The following OFD1 variants were observed in gnomAD, a reference collection of about 807,000 sequenced individuals.
OFD1 encodes the protein centriole and centriolar satellite protein OFD1.
OFD1 carries 12 observed loss-of-function variants against 81.4 expected under a neutral mutation model. The observed-to-expected ratio is 0.15, with a 90% confidence interval of 0.09 to 0.24. The LOEUF is 0.24. Among genes scored for constraint, OFD1 ranks in the 10% least tolerant of loss-of-function variants. OFD1 has a pLI of 1.00. For missense variants in OFD1, 685 were observed against 733.9 expected, an observed-to-expected ratio of 0.93 and a Z score of 0.77; for synonymous variants, 256 against 263.7, an observed-to-expected ratio of 0.97 and a Z score of 0.28.
At chrX:13,746,560 T>C (rs747428891) in intron 7 of OFD1, 105 bp downstream of exon 7, 1 of 995,541 alleles carries the variant, frequency 1.0e-6, no homozygotes, top group Non-Finnish European at 1.4e-6. Flanking sequence ...TAATAACGAA[T>C]GGGATACTGT....
Position 13,768,748 on chromosome X carries a change from C to A in OFD1, c.2959C>A (p.Leu987Ile), listed in dbSNP as rs148543618. The change falls in exon 22 of 23, where the codon CTA becomes ATA. Residue 987 changes from leucine to isoleucine, a missense_variant. Around this residue, in one of 3 missense-constraint regions of OFD1, gnomAD observed 259 missense variants for 254.4 expected, o/e 1.02. Transcript: ENST00000340096. ...AAAAAAGATGGTCCAAGAAGGCTCC[C>A]TAGTGGACACGCTGCAATCTAGTGA... The part of the protein sequence containing the change: ...SSKKMVQEGS[L>I]VDTLQSSDKV... 30 of 1,208,433 alleles carry A rather than the reference C, an allele frequency of 2.5e-5. No homozygotes were observed. The African/African-American group carries it at 4.9e-4, about 20-fold the overall frequency.
chrX:13,755,999 G>T (rs2047695926), intron 12 of OFD1, among the ~76,000 whole-genome samples: 1 of 86,984 alleles, frequency 1.1e-5, no homozygotes, highest in Admixed American at 1.5e-4. Flanking sequence ...CGCCCAGGCT[G>T]GAGTGCAGTG....
intron 1 of OFD1, 47 bp from the exon 2 acceptor site, chrX:13,735,201 A>G (rs774852774): frequency 2.5e-6 from 3 of 1,195,255 alleles, no homozygotes; most frequent in Admixed American, 4.3e-5. Context: ...TCAGACGTTC[A>G]CGTTCCCTCT....
chrX:13,739,839 G>C (rs948590498), intron 5 of OFD1: 35 of 751,384 alleles, frequency 4.7e-5, no homozygotes, highest in Non-Finnish European at 5.3e-5. Context: ...ACTACTGTGG[G>C]TTTCAGGCCA....
At position 13,746,943 on chromosome X, in the gene OFD1, A is replaced by G; in HGVS notation, c.818A>G (p.Lys273Arg). ...AAGAGTACCCTTGAAAGAATTCACA[A>G]GCACCAAGAGGTGGTATTTACAAAT... Reference protein sequence around the residue: ...REKSTLERIHKHQEIETKEIY... With the variant: ...REKSTLERIHRHQEIETKEIY... The change falls in exon 8 of 23, where the codon AAG becomes AGG. Residue 273 changes from lysine (K) to arginine (R), a missense_variant. Physicochemically the swap from Lys to Arg is conservative, Grantham distance 26. Coordinates refer to ENST00000340096, the MANE Select transcript of OFD1 (RefSeq NM_003611.3). The G allele has an allele frequency of 8.3e-7, 1 of 1,210,253 alleles. No homozygotes were observed. Among genetic ancestry groups the G allele is most frequent in the Non-Finnish European group, 1.1e-6 (1 of 894,054 alleles).
At chrX:13,735,483 G>C (rs1193995360) in intron 2 of OFD1, 137 bp downstream of exon 2, 1 of 526,816 alleles carries the variant, frequency 1.9e-6, no homozygotes, top group Non-Finnish European at 3.4e-6. Context: ...TTATATTCCC[G>C]AATAACTCTG....
At chrX:13,717,038 A>T in the OFD1 span, among the ~76,000 whole-genome samples, 8 of 23,414 alleles carry the variant, frequency 3.4e-4, no homozygotes, top group Admixed American at 1.2e-3. Context: ...CTATGTTAAA[A>T]AAAAAAAAAA....
At chrX:13,748,524 A>G (rs192049064) in intron 8 of OFD1, among the ~76,000 whole-genome samples, 89 of 112,420 alleles carry the variant, frequency 7.9e-4, no homozygotes, top group Admixed American at 1.0e-3. Flanking sequence ...CTCCCTGACT[A>G]AATTGTGAGG....
chrX:13,772,044 A>G (rs1367168964), downstream of OFD1: 1 of 112,457 alleles, frequency 8.9e-6, no homozygotes, highest in East Asian at 2.8e-4. Flanking sequence ...ACATTTATGG[A>G]ACAAAATTCT....
At chrX:13,759,196 C>T (rs959105138) in intron 15 of OFD1, among the ~76,000 whole-genome samples, 2 of 112,006 alleles carry the variant, frequency 1.8e-5, no homozygotes, top group African/African-American at 6.5e-5. Context: ...GGGTCTGAGC[C>T]TTCCTTGTTC....
At chrX:13,759,165 G>A (rs906243367) in intron 15 of OFD1, among the ~76,000 whole-genome samples, 3 of 112,089 alleles carry the variant, frequency 2.7e-5, no homozygotes, top group African/African-American at 9.7e-5. Flanking sequence ...AAGAAAGTAC[G>A]TATGTGTTAC....
chrX:13,762,252 G>A lies in OFD1; in HGVS notation c.2388-92G>A, dbSNP rs775285467. 8.7e-6 allele frequency: 5 copies of A among 576,848 alleles called. No individual in the cohort carries two copies. The African/African-American group carries it at 1.1e-4, about 13-fold the overall frequency. The allele number at this position is 576,848 out of a possible 1,213,427, so 47.5% of individuals were successfully genotyped here. On this transcript the variant is annotated intron_variant, in intron 17 of 22. Transcript: ENST00000340096. ...ACAAAGAGAAAGGGAATTTTGTAGA[G>A]CCTTTTCTTGAGTCACAAAAGGCTT...
intron 5 of OFD1, among the ~76,000 whole-genome samples, chrX:13,741,091 G>C (rs929672728): frequency 9.0e-6 from 1 of 110,510 alleles, no homozygotes; most frequent in African/African-American, 3.3e-5. Context: ...AGTGAGCCAA[G>C]ATCACGCCAC....
Position 13,760,610 on chromosome X carries a change from T to C in OFD1, c.2150T>C (p.Leu717Pro), listed in dbSNP as rs2047890512. The C allele has an allele frequency of 1.7e-6, 2 of 1,209,598 alleles. No individual in the cohort carries two copies. The highest frequency in any genetic ancestry group is 3.5e-5 in the African/African-American group (2 of 57,147). ...LEERNDVVEALTGSAASRLRG... is the reference protein window; with the variant it reads ...LEERNDVVEAPTGSAASRLRG... ...GAAAGGAATGACGTCGTGGAAGCAC[T>C]GACAGGCAGTGCAGCCTCGAGGCTC... Residue 717 changes from leucine to proline, a missense_variant, in exon 16 of 23, where the codon CTG becomes CCG. Physicochemically the swap from Leu to Pro is moderately conservative, Grantham distance 98. This residue lies in a region of OFD1 where 259 missense variants were observed against 254.4 expected (regional missense o/e 1.02). Transcript: ENST00000340096.
downstream of OFD1, among the ~76,000 whole-genome samples, chrX:13,769,648 C>CG (rs2048263966): frequency 9.0e-6 from 1 of 111,649 alleles, no homozygotes; most frequent in Non-Finnish European, 1.9e-5. Flanking sequence ...TTTAAACCCC[C>CG]CCGTGTGATA....
At chrX:13,722,208 C>CCAAA in the OFD1 span, 3 of 36,118 alleles carry the variant, frequency 8.3e-5, no homozygotes, top group Admixed American at 2.7e-4. Context: ...TAAGCAGCAG[C>CCAAA]AAAAAAAAAA....
At chrX:13,724,020 A>T in the OFD1 span, among the ~76,000 whole-genome samples, 1 of 112,007 alleles carries the variant, frequency 8.9e-6, no homozygotes, top group Non-Finnish European at 1.9e-5. Flanking sequence ...GAATGGTCAC[A>T]GCAATGTGAT....
At chrX:13,756,378 GC>G (rs2047712358) in intron 12 of OFD1, among the ~76,000 whole-genome samples, 199 bp from the exon 13 acceptor site, 1 of 111,797 alleles carries the variant, frequency 8.9e-6, no homozygotes. Context: ...ATGGGATGCG[GC>G]CTATAAAAGT....
chrX:13,772,816 C>T (rs2048325491), downstream of OFD1: 4 of 1,079,217 alleles, frequency 3.7e-6, no homozygotes, highest in East Asian at 6.0e-5. Context: ...ATCTGTACTG[C>T]AGAGCAGCTG....
Sources: gnomAD v4.1 joint callset for allele counts (sites outside exome capture counted in the v4.1 genomes callset) on GRCh38, gnomAD v4.1.1 for gene constraint, gnomAD v4.1.1 regional missense constraint, MANE v1.5 for transcripts, NCBI Gene and HGNC (gene_info 2026-07-23, HGNC 2026-07-21) for gene names.